DACH1: variants seen among roughly 807,000 people sequenced by gnomAD.
DACH1 encodes dachshund family transcription factor 1, also known as dachshund homolog 1.
A neutral mutation model predicts 54.2 loss-of-function variants in DACH1; 12 were observed. The ratio of observed to expected loss-of-function variants is 0.22; its 90% confidence interval spans 0.14 to 0.36. The LOEUF is 0.36. Ranked by LOEUF, DACH1 falls within the 10% of genes least tolerant of loss-of-function variation. The pLI is 1.00. For synonymous variants in DACH1, 386 were observed against 366.2 expected, an observed-to-expected ratio of 1.05 and a Z score of -0.62; for missense variants, 805 against 929.8, an observed-to-expected ratio of 0.87 and a Z score of 1.75.
At chr13:71,470,355 C>G (rs1876964987) in intron 10 of DACH1, among the ~76,000 whole-genome samples, 1 of 148,908 alleles carries the variant, frequency 6.7e-6, no homozygotes, top group Admixed American at 6.7e-5. Context: ...GTTGCCCGGG[C>G]TGGAGTGCAG....
At chr13:71,558,873 C>G (rs958822410) in intron 5 of DACH1, among the ~76,000 whole-genome samples, 1 of 151,932 alleles carries the variant, frequency 6.6e-6, no homozygotes, top group African/African-American at 2.4e-5. Flanking sequence ...TGCATACATT[C>G]CTTTATAACC....
chr13:71,651,021 T>G (rs1324131211), intron 2 of DACH1, among the ~76,000 whole-genome samples: 1 of 152,176 alleles, frequency 6.6e-6, no homozygotes, highest in Non-Finnish European at 1.5e-5. Flanking sequence ...TTTGCAAAGG[T>G]CATTTGAACT....
At chr13:71,632,221 T>C (rs918642286) in intron 2 of DACH1, among the ~76,000 whole-genome samples, 23 of 152,092 alleles carry the variant, frequency 1.5e-4, no homozygotes, top group Non-Finnish European at 1.2e-4. Context: ...TATATTTATA[T>C]AGAGAGATAA....
chr13:71,852,132 A>T (rs1204038933), intron 1 of DACH1, among the ~76,000 whole-genome samples: 1 of 152,230 alleles, frequency 6.6e-6, no homozygotes, highest in Non-Finnish European at 1.5e-5. Flanking sequence ...GACAGACAAA[A>T]GCTCAAATGT....
rs1874769422 is a variant in DACH1 at position 71,866,331 on chromosome 13, T to TGCTACTGCTGCTGCTGCTGCTGCC, written c.415_438dup (p.Gly139_Ser146dup). 2 of 1,533,298 alleles carry TGCTACTGCTGCTGCTGCTGCTGCC rather than the reference T, an allele frequency of 1.3e-6. No individual in the cohort carries two copies. The highest frequency in any genetic ancestry group is 2.0e-5 in the Admixed American group (1 of 50,794). 95.0% of individuals were successfully genotyped at this position (1,533,298 alleles called of 1,614,324 possible). ...CTACTACTGCTGCTGCTGCTGCTGC[T>TGCTACTGCTGCTGCTGCTGCTGCC]GCTACTGCTGCTGCTGCTGCTGCCG... On this transcript the variant is annotated inframe_insertion, in exon 1 of 11. Transcript: ENST00000613252.
chr13:71,469,128 A>C (rs1876849321), intron 10 of DACH1, among the ~76,000 whole-genome samples: 1 of 152,170 alleles, frequency 6.6e-6, no homozygotes, highest in South Asian at 2.1e-4. Context: ...GAAACCCAGA[A>C]ACCCCATTAA....
At chr13:71,540,147 T>C (rs1346947383) in intron 6 of DACH1, among the ~76,000 whole-genome samples, 1 of 151,984 alleles carries the variant, frequency 6.6e-6, no homozygotes, top group Non-Finnish European at 1.5e-5. Flanking sequence ...GATTCAGTAT[T>C]ATGGCCCTAA....
chr13:71,515,846 C>T (rs562648999), intron 6 of DACH1, among the ~76,000 whole-genome samples: 38 of 151,966 alleles, frequency 2.5e-4, no homozygotes, highest in African/African-American at 7.7e-4. Context: ...GCTCTGCACA[C>T]GTTGTAATAA....
intron 3 of DACH1, among the ~76,000 whole-genome samples, chr13:71,619,340 G>A (rs1428907667): frequency 6.6e-6 from 1 of 151,776 alleles, no homozygotes; most frequent in Non-Finnish European, 1.5e-5. Context: ...AGTTTCAAAG[G>A]TCACTCTGTT....
Position 71,674,954 on chromosome 13 carries a change from G to A in DACH1, c.964+6841C>T, listed in dbSNP as rs546037343. 20 of 663,644 alleles carry A rather than the reference G, an allele frequency of 3.0e-5. No homozygotes were observed. In the African/African-American group the frequency reaches 3.1e-4, roughly 10 times the overall value. 41.1% of individuals were successfully genotyped at this position (663,644 alleles called of 1,614,324 possible). On this transcript the variant is annotated intron_variant, in intron 2 of 10. Transcript: ENST00000613252. ...TAAATATATGAAAACACATACAAAC[G>A]GTGTTCGCAGCCGCCACCGCGCTGC...
At chr13:71,691,240 G>A (rs1466813819) in intron 1 of DACH1, among the ~76,000 whole-genome samples, 2 of 152,140 alleles carry the variant, frequency 1.3e-5, no homozygotes, top group Non-Finnish European at 2.9e-5. Context: ...TTCCTTTGTA[G>A]GAGATGCCAT....
At chr13:71,519,869 TCCAAA>T (rs1335415319) in intron 6 of DACH1, among the ~76,000 whole-genome samples, 1 of 18,428 alleles carries the variant, frequency 5.4e-5, no homozygotes, top group Non-Finnish European at 2.5e-4. Flanking sequence ...GATGTTTGTG[TCCAAA>T]CCAAAGTAGT....
chr13:71,601,434 A>C lies in DACH1; in HGVS notation c.1127-28422T>G, dbSNP rs539181230. 6.6e-5 allele frequency among the ~76,000 whole-genome samples: 10 copies of C among 152,164 alleles called. No homozygotes were observed. In the East Asian group the frequency reaches 1.9e-3, roughly 29 times the overall value. On this transcript the variant is annotated intron_variant, in intron 3 of 10. Transcript: ENST00000613252. Reference sequence around the variant, plus strand: ...GAAACTGTCTTCAACGCATCACTACATAGTAATTTATGACTTTTTCTTGCT... The same window carrying C: ...GAAACTGTCTTCAACGCATCACTACCTAGTAATTTATGACTTTTTCTTGCT...
chr13:71,507,180 G>A (rs949739489), intron 6 of DACH1, among the ~76,000 whole-genome samples: 6 of 152,088 alleles, frequency 3.9e-5, no homozygotes, highest in Non-Finnish European at 1.5e-5. Context: ...ATACATCCCC[G>A]ATCTATCCAT....
chr13:71,464,557 C>G (rs1052746953), intron 10 of DACH1: 7 of 423,842 alleles, frequency 1.7e-5, no homozygotes, highest in African/African-American at 1.4e-4. Context: ...TGGCTTCTCT[C>G]AGCACAAAAT....
intron 3 of DACH1, among the ~76,000 whole-genome samples, chr13:71,582,248 T>A (rs1367554817): frequency 6.6e-6 from 1 of 152,156 alleles, no homozygotes; most frequent in African/African-American, 2.4e-5. Context: ...TTATAATAAA[T>A]TCTTAGCACA....
intron 3 of DACH1, among the ~76,000 whole-genome samples, chr13:71,590,172 C>T (rs916869147): frequency 2.0e-5 from 3 of 151,998 alleles, no homozygotes; most frequent in Non-Finnish European, 1.5e-5. Context: ...CTATAAACAT[C>T]TCATATCAGT....
At chr13:71,486,161 TTATAA>T (rs1237705809) in intron 7 of DACH1, among the ~76,000 whole-genome samples, 1 of 151,898 alleles carries the variant, frequency 6.6e-6, no homozygotes, top group Non-Finnish European at 1.5e-5. Context: ...GCTTTTTAAA[TTATAA>T]TATATAAATT....
At chr13:71,668,373 T>C (rs1879988612) in intron 2 of DACH1, among the ~76,000 whole-genome samples, 1 of 152,052 alleles carries the variant, frequency 6.6e-6, no homozygotes, top group Admixed American at 6.5e-5. Context: ...TAATTAAAAA[T>C]ATATATCTTT....
Sources: gnomAD v4.1 joint callset for allele counts (sites outside exome capture counted in the v4.1 genomes callset) on GRCh38, gnomAD v4.1.1 for gene constraint, MANE v1.5 for transcripts, NCBI Gene and HGNC (gene_info 2026-07-23, HGNC 2026-07-21) for gene names.